The following NAA11 variants were observed in gnomAD, a reference collection of about 807,000 sequenced individuals.
The protein encoded by NAA11 is N-alpha-acetyltransferase 11.
Under a neutral mutation model 16.1 loss-of-function variants are expected in NAA11, and 15 were observed. That is an observed-to-expected ratio of 0.93 (90% CI 0.62 to 1.44). The LOEUF (loss-of-function observed/expected upper bound fraction) is 1.44, where lower values mean the gene tolerates loss of function less well. NAA11 is among the 40% of genes most tolerant of loss of function. The pLI, the probability that NAA11 is intolerant of heterozygous loss-of-function variation, is 0.00. For synonymous variants in NAA11, 122 were observed against 112.4 expected (o/e 1.09, Z -0.54); for missense variants, 298 against 291.3 (o/e 1.02, Z -0.17).
the NAA11 span, among the ~76,000 whole-genome samples, chr4:79,193,544 A>G: frequency 7.9e-5 from 12 of 152,124 alleles, no homozygotes; most frequent in African/African-American, 2.2e-4. Flanking sequence ...GTAGATATGC[A>G]GCATTATTTC....
intron 2 of NAA11, among the ~76,000 whole-genome samples, chr4:79,292,759 A>G (rs1488720467): frequency 1.3e-5 from 2 of 152,172 alleles, no homozygotes; most frequent in Non-Finnish European, 2.9e-5. Context: ...CTGTTAATCC[A>G]TTCATTTCAG....
the NAA11 span, among the ~76,000 whole-genome samples, chr4:79,193,129 T>C: frequency 6.6e-6 from 1 of 152,124 alleles, no homozygotes; most frequent in Non-Finnish European, 1.5e-5. Context: ...TATTAGCCCT[T>C]TGTCAGATGA....
exon 3 of NAA11, chr4:79,225,996 C>T (rs1375823171): frequency 1.3e-5 from 2 of 152,058 alleles, no homozygotes; most frequent in Non-Finnish European, 2.9e-5. Flanking sequence ...ATATCCTTCC[C>T]AAGTTAGCTC....
At chr4:79,183,552 C>T in the NAA11 span, among the ~76,000 whole-genome samples, 4 of 152,164 alleles carry the variant, frequency 2.6e-5, no homozygotes, top group East Asian at 7.7e-4. Flanking sequence ...AAGATGAACT[C>T]TTGACCATTG....
At chr4:79,251,669 T>TA (rs1342769588) in intron 2 of NAA11, among the ~76,000 whole-genome samples, 4 of 151,296 alleles carry the variant, frequency 2.6e-5, no homozygotes, top group East Asian at 1.9e-4. Context: ...TAGCTTCTTC[T>TA]AAAAAAAAAT....
the NAA11 span, among the ~76,000 whole-genome samples, chr4:79,192,713 C>A: frequency 3.3e-5 from 5 of 151,800 alleles, no homozygotes; most frequent in Non-Finnish European, 7.4e-5. Flanking sequence ...TTTATAGCAG[C>A]ATGATTTATA....
chr4:79,246,336 T>TAC lies in NAA11; in HGVS notation c.*123-20067_*123-20066insGT, dbSNP rs777866130. Among the ~76,000 whole-genome samples, 71 of 124,614 alleles carry TAC rather than the reference T, an allele frequency of 5.7e-4. 1 individual carries two copies. Among genetic ancestry groups the TAC allele is most frequent in the Non-Finnish European group, 1.1e-4 (7 of 62,050 alleles). The allele number at this position is 124,614 out of a possible 152,430, so 81.8% of individuals were successfully genotyped here. Reference sequence around the variant, plus strand: ...ACTATTGTCCTATGACCCTGCCAAATCCCTCTCTCCGAGAAACACCCAAGA... The same window carrying TAC: ...ACTATTGTCCTATGACCCTGCCAAATACCCCTCTCTCCGAGAAACACCCAAGA... On this transcript the variant is annotated intron_variant and NMD_transcript_variant, in intron 2 of 2. Coordinates refer to the NAA11 transcript ENST00000511542.
the NAA11 span, among the ~76,000 whole-genome samples, chr4:79,161,220 G>C: frequency 6.6e-6 from 1 of 152,106 alleles, no homozygotes; most frequent in African/African-American, 2.4e-5. Context: ...CTGTTGCGCA[G>C]GCTGGAGTGC....
chr4:79,215,481 T>C, the NAA11 span, among the ~76,000 whole-genome samples: 1 of 152,230 alleles, frequency 6.6e-6, no homozygotes, highest in Non-Finnish European at 1.5e-5. Context: ...CAGCAAATCA[T>C]GTTATCCTGG....
intron 2 of NAA11, among the ~76,000 whole-genome samples, chr4:79,250,588 A>C (rs1484145061): frequency 3.9e-5 from 6 of 152,218 alleles, no homozygotes; most frequent in African/African-American, 1.2e-4. Flanking sequence ...TTTCATGATG[A>C]AGACGCCAAA....
chr4:79,207,367 TAAAA>T, the NAA11 span, among the ~76,000 whole-genome samples: 5 of 115,920 alleles, frequency 4.3e-5, no homozygotes, highest in Non-Finnish European at 6.8e-5. Flanking sequence ...TGAATGAGGT[TAAAA>T]AAAAAAAAAA....
In NAA11 at chr4:79,325,414, G is replaced by C; in HGVS notation, c.464C>G (p.Ala155Gly). ...GTCCATTTGTCGTCTCAGCTCATCT[G>C]CCATCTGCGAGAGATCCCGCTTCAT... ...YAMKRDLSQM[A>G]DELRRQMDLK... The change falls in exon 1 of 2, where the codon GCA becomes GGA. Residue 155 changes from alanine to glycine, a missense_variant. Physicochemically the swap from Ala to Gly is moderately conservative, Grantham distance 60 (BLOSUM62 0). Coordinates refer to ENST00000286794, the MANE Select transcript of NAA11 (RefSeq NM_032693.3). 1 of 1,614,128 alleles carries C rather than the reference G, an allele frequency of 6.2e-7. No homozygotes were observed. The highest frequency in any genetic ancestry group is 8.5e-7 in the Non-Finnish European group (1 of 1,180,016).
At chr4:79,297,784 C>T (rs188988911) in intron 1 of NAA11, among the ~76,000 whole-genome samples, 173 of 152,262 alleles carry the variant, frequency 1.1e-3, no homozygotes, top group Non-Finnish European at 2.1e-3. Context: ...AGCCTGGGTG[C>T]CATGGACAGC....
At chr4:79,312,471 T>C (rs551498337), downstream of NAA11, among the ~76,000 whole-genome samples, 5 of 151,934 alleles carry the variant, frequency 3.3e-5, no homozygotes, top group Non-Finnish European at 5.9e-5. Flanking sequence ...GCCAACATGG[T>C]GAAACCCCAT....
intron 2 of NAA11, among the ~76,000 whole-genome samples, chr4:79,277,594 T>C (rs1346582595): frequency 6.6e-6 from 1 of 152,084 alleles, no homozygotes. Context: ...CTTTTTTGAT[T>C]ACCTACTCCA....
the NAA11 span, among the ~76,000 whole-genome samples, chr4:79,164,418 A>G: frequency 6.6e-6 from 1 of 152,178 alleles, no homozygotes; most frequent in Non-Finnish European, 1.5e-5. Context: ...AAGTGTCTTG[A>G]GCAGACAAAC....
intron 1 of NAA11, among the ~76,000 whole-genome samples, chr4:79,319,471 C>G (rs1050755181): frequency 6.6e-6 from 1 of 152,104 alleles, no homozygotes; most frequent in African/African-American, 2.4e-5. Flanking sequence ...AATCATTGCC[C>G]ATTCAAAGAA....
downstream of NAA11, chr4:79,225,639 A>C (rs186660037): frequency 6.6e-6 from 1 of 152,058 alleles, no homozygotes; most frequent in Non-Finnish European, 1.5e-5. Context: ...ATTTAATCTT[A>C]TGTCTGCCAC....
chr4:79,200,377 G>A, the NAA11 span, among the ~76,000 whole-genome samples: 1 of 151,752 alleles, frequency 6.6e-6, no homozygotes, highest in African/African-American at 2.4e-5. Context: ...TAGAATTTTT[G>A]TTCTGGGAAA....
Sources: gnomAD v4.1 joint callset for allele counts (sites outside exome capture counted in the v4.1 genomes callset) on GRCh38, gnomAD v4.1.1 for gene constraint, MANE v1.5 for transcripts, NCBI Gene and HGNC (gene_info 2026-07-23, HGNC 2026-07-21) for gene names.